Variants in RUFY1 observed in about 807,000 individuals in gnomAD.
RUFY1 encodes the protein RUN and FYVE domain containing 1.
Under a neutral mutation model 94.6 loss-of-function variants are expected in RUFY1, and 54 were observed. The observed-to-expected ratio is 0.57, with a 90% CI of 0.46 to 0.72. RUFY1 has a LOEUF of 0.72. RUFY1 is among the 30% of genes least tolerant of loss of function. The pLI, the probability that RUFY1 is intolerant of heterozygous loss-of-function variation, is 0.00. For missense variants in RUFY1, 883 were observed against 883.9 expected (o/e 1.00, Z 0.01); for synonymous variants, 396 against 347.3 (o/e 1.14, Z -1.56).
At chr5:179,592,828 G>C (rs1765226390) in intron 10 of RUFY1, among the ~76,000 whole-genome samples, 6 of 152,090 alleles carry the variant, frequency 3.9e-5, no homozygotes, top group Admixed American at 3.9e-4. Context: ...TTCTAACATT[G>C]CACTATCAGA....
In RUFY1 at chr5:179,598,838, C is replaced by T. The variant is rs779181969; in HGVS notation, c.1761+17C>T. On this transcript the variant is annotated intron_variant, in intron 14 of 17. Transcript: ENST00000319449. ...CTGAAAAAGGTGAGGTGGGCCATCC[C>T]GGGAGAGGAGAGCCTCTGGCAGCCT... 5.6e-6 allele frequency: 9 copies of T among 1,613,704 alleles called. No homozygotes were observed. The highest frequency in any genetic ancestry group is 2.7e-5 in the African/African-American group (2 of 74,896).
At chr5:179,606,359 C>T (rs572226814) in intron 16 of RUFY1, 57 of 184,156 alleles carry the variant, frequency 3.1e-4, no homozygotes, top group Non-Finnish European at 4.8e-4. Context: ...GCCAGGTTTC[C>T]GCACCCTGGT....
intron 15 of RUFY1, among the ~76,000 whole-genome samples, chr5:179,603,190 G>C (rs561661071): frequency 1.3e-5 from 2 of 151,916 alleles, no homozygotes; most frequent in African/African-American, 4.8e-5. Flanking sequence ...GCTTGAACCC[G>C]GGAGGCAGAG....
intron 4 of RUFY1, among the ~76,000 whole-genome samples, chr5:179,568,034 C>A (rs548773194): frequency 6.6e-6 from 1 of 152,304 alleles, no homozygotes; most frequent in African/African-American, 2.4e-5. Flanking sequence ...CACTTGAGGT[C>A]AGAAGTTCAA....
chr5:179,581,742 G>A (rs912734235), intron 7 of RUFY1, among the ~76,000 whole-genome samples: 7 of 150,222 alleles, frequency 4.7e-5, no homozygotes, highest in Non-Finnish European at 8.9e-5. Context: ...GTGTAGTGGC[G>A]TGATCTCAGA....
chr5:179,580,233 G>GTA (rs1480937236), intron 6 of RUFY1, among the ~76,000 whole-genome samples: 17 of 57,526 alleles, frequency 3.0e-4, no homozygotes, highest in African/African-American at 1.0e-3. Flanking sequence ...GTGTGTGTGT[G>GTA]TGTGTGTGTA....
At chr5:179,587,451 T>G (rs34360628) in intron 8 of RUFY1, among the ~76,000 whole-genome samples, 10,108 of 146,596 alleles carry the variant, frequency 0.069, 406 homozygotes, top group South Asian at 0.11. Flanking sequence ...TGACGTGATC[T>G]CCGCTCACTG....
chr5:179,587,434 G>A (rs1337542392), intron 8 of RUFY1, among the ~76,000 whole-genome samples: 1 of 141,268 alleles, frequency 7.1e-6, no homozygotes, highest in Non-Finnish European at 1.5e-5. Context: ...AGGCTGGAGT[G>A]CAGTAGTGAC....
chr5:179,580,138 A>G (rs891105120), intron 6 of RUFY1, among the ~76,000 whole-genome samples: 2 of 151,988 alleles, frequency 1.3e-5, no homozygotes, highest in African/African-American at 4.8e-5. Context: ...ACTATACTAT[A>G]TTGAATGAGG....
At chr5:179,579,529 G>C (rs2127538163) in intron 6 of RUFY1, among the ~76,000 whole-genome samples, 1 of 151,488 alleles carries the variant, frequency 6.6e-6, no homozygotes, top group Non-Finnish European at 1.5e-5. Context: ...ACGGGGTTTT[G>C]CCATGTTGGC....
At chr5:179,581,799 C>T (rs1054155289) in intron 7 of RUFY1, among the ~76,000 whole-genome samples, 20 of 152,000 alleles carry the variant, frequency 1.3e-4, no homozygotes, top group Non-Finnish European at 2.4e-4. Flanking sequence ...ATTCTCCCAC[C>T]TCAGCCTCCT....
chr5:179,609,622 T>C lies in RUFY1; in HGVS notation c.*103T>C, dbSNP rs1484058555. 3 of 1,221,962 alleles carry C rather than the reference T, an allele frequency of 2.5e-6. No homozygotes were observed. Among genetic ancestry groups the C allele is most frequent in the Admixed American group, 3.0e-5 (1 of 33,558 alleles). 75.7% of individuals were successfully genotyped at this position (1,221,962 alleles called of 1,614,324 possible). A position where few individuals can be genotyped will look rare whatever the true frequency, so the allele number is the denominator to read the frequency against. ...TTCCCAAGAGTATCAAAGGAAAGAA[T>C]CAAATTTCTTGCCCGGTCACTGGCA... is the stretch of plus-strand genomic sequence containing the variant. On this transcript the variant is annotated 3_prime_UTR_variant, in exon 18 of 18. Transcript: ENST00000319449.
At chr5:179,579,744 A>G (rs1055665740) in intron 6 of RUFY1, among the ~76,000 whole-genome samples, 3 of 135,830 alleles carry the variant, frequency 2.2e-5, no homozygotes, top group Admixed American at 8.6e-5. Context: ...GCTCACTGCA[A>G]CCTCTGCCTC....
At chr5:179,561,690 T>TG (rs1762469791) in intron 2 of RUFY1, among the ~76,000 whole-genome samples, 1 of 87,958 alleles carries the variant, frequency 1.1e-5, no homozygotes, top group Non-Finnish European at 2.5e-5. Flanking sequence ...TTTTTTTTTT[T>TG]TTTTTTTTTT....
chr5:179,591,799 C>G, intron 10 of RUFY1, 58 bp downstream of exon 10: 1 of 970,422 alleles, frequency 1.0e-6, no homozygotes, highest in Non-Finnish European at 1.6e-6. Context: ...TTAATTCTGT[C>G]AACACTTTTC....
rs201055157 is a variant in RUFY1, at chr5:179,609,526, G to A, written c.*7G>A. On this transcript the variant is annotated 3_prime_UTR_variant, in exon 18 of 18. Transcript: ENST00000319449. ...CTCCTCCACGGCCTCCTGAACGTCC[G>A]TCCTCAGGAGCACAGCCTCACGGAC... The A allele has an allele frequency of 6.3e-5, 100 of 1,594,048 alleles. No individual in the cohort carries two copies. Among genetic ancestry groups the A allele is most frequent in the African/African-American group, 2.0e-4 (15 of 74,686 alleles).
At position 179,596,708 on chromosome 5, in the gene RUFY1, T is replaced by C; in HGVS notation, c.1631+27T>C. 3.0e-6 allele frequency: 4 copies of C among 1,337,976 alleles called. No individual in the cohort carries two copies. In the South Asian group the frequency reaches 3.8e-5, roughly 13 times the overall value. The allele number at this position is 1,337,976 out of a possible 1,614,324, so 82.9% of individuals were successfully genotyped here. On this transcript the variant is annotated intron_variant, in intron 13 of 17. Coordinates refer to ENST00000319449, the MANE Select transcript of RUFY1 (RefSeq NM_025158.5). ...TAGGGGCCCTGCAGGGAGCCTGGGCTGGGGTGTGGCTCAGGAGGGACTGGG... is the reference window on the plus strand; with the variant it reads ...TAGGGGCCCTGCAGGGAGCCTGGGCCGGGGTGTGGCTCAGGAGGGACTGGG...
chr5:179,559,635 C>G, intron 1 of RUFY1: 2 of 992,584 alleles, frequency 2.0e-6, no homozygotes, highest in Non-Finnish European at 2.4e-6. Context: ...GCTTTCCCAG[C>G]ACGCCCTCTA....
chr5:179,579,654 C>CTTCTTTTTCT (rs1324235098), intron 6 of RUFY1, among the ~76,000 whole-genome samples: 1 of 38,638 alleles, frequency 2.6e-5, no homozygotes, highest in Non-Finnish European at 5.4e-5. Flanking sequence ...CCCTTTTCTT[C>CTTCTTTTTCT]TTCTTTTTTT....
Sources: gnomAD v4.1 joint callset for allele counts (sites outside exome capture counted in the v4.1 genomes callset) on GRCh38, gnomAD v4.1.1 for gene constraint, MANE v1.5 for transcripts, NCBI Gene and HGNC (gene_info 2026-07-23, HGNC 2026-07-21) for gene names.